The following LRP1B variants were observed in gnomAD, a reference collection of about 807,000 sequenced individuals.
The protein encoded by LRP1B is low-density lipoprotein receptor-related protein 1B.
Under a neutral mutation model 556.6 loss-of-function variants are expected in LRP1B, and 217 were observed. That is an observed-to-expected ratio of 0.39 (90% confidence interval 0.35 to 0.44). LRP1B has a LOEUF of 0.44. Ranked by LOEUF, LRP1B falls within the 20% of genes least tolerant of loss-of-function variation. The pLI is 1.00. For missense variants in LRP1B, 5,053 were observed against 5,620.8 expected, an observed-to-expected ratio of 0.90 and a Z score of 3.23; for synonymous variants, 2,047 against 1,865.8, an observed-to-expected ratio of 1.10 and a Z score of -2.50.
At chr2:141,667,158 T>C (rs1373624321) in intron 2 of LRP1B, among the ~76,000 whole-genome samples, 1 of 152,188 alleles carries the variant, frequency 6.6e-6, no homozygotes, top group Non-Finnish European at 1.5e-5. Context: ...TGAGCTACCG[T>C]ACTGTACTTA....
At chr2:141,309,037 A>G (rs1686709217) in intron 3 of LRP1B, among the ~76,000 whole-genome samples, 1 of 152,198 alleles carries the variant, frequency 6.6e-6, no homozygotes. Context: ...CTTCAAATTG[A>G]GGATTTGTTT....
intron 85 of LRP1B, among the ~76,000 whole-genome samples, chr2:140,272,510 C>T (rs1020690169): frequency 7.2e-5 from 11 of 151,874 alleles, no homozygotes; most frequent in Non-Finnish European, 1.6e-4. Context: ...GATAGAGTAC[C>T]TGTTCTACTT....
At chr2:142,035,754 A>G (rs1373131102) in intron 1 of LRP1B, among the ~76,000 whole-genome samples, 1 of 151,740 alleles carries the variant, frequency 6.6e-6, no homozygotes, top group South Asian at 2.1e-4. Context: ...AGTTCCTCCC[A>G]GATAACAGAA....
chr2:140,650,341 A>G (rs1684636805), intron 41 of LRP1B, among the ~76,000 whole-genome samples: 1 of 147,812 alleles, frequency 6.8e-6, no homozygotes. Context: ...TTATTTATTT[A>G]TTTATTTATT....
chr2:141,954,014 C>T (rs1343492893), intron 1 of LRP1B, among the ~76,000 whole-genome samples: 4 of 152,092 alleles, frequency 2.6e-5, no homozygotes, highest in East Asian at 1.9e-4. Flanking sequence ...CTTTCCTTGC[C>T]CTATTCAAAA....
chr2:140,666,496 T>C (rs981940286), intron 41 of LRP1B, among the ~76,000 whole-genome samples: 4 of 152,088 alleles, frequency 2.6e-5, no homozygotes, highest in African/African-American at 9.7e-5. Flanking sequence ...AACATACAAG[T>C]GAGAATGTCA....
chr2:141,673,639 G>A (rs1690762384), intron 2 of LRP1B, among the ~76,000 whole-genome samples: 1 of 152,020 alleles, frequency 6.6e-6, no homozygotes, highest in South Asian at 2.1e-4. Flanking sequence ...ATAACAATTT[G>A]GGGCCATATT....
chr2:140,341,950 A>T (rs682817), intron 77 of LRP1B, among the ~76,000 whole-genome samples: 81,685 of 150,850 alleles, frequency 0.54, 22,435 homozygotes, highest in African/African-American at 0.58. Flanking sequence ...GGGAGAAGAG[A>T]GGGAAAGTTA....
At chr2:141,402,710 T>C (rs1573905284) in intron 3 of LRP1B, among the ~76,000 whole-genome samples, 2 of 152,246 alleles carry the variant, frequency 1.3e-5, no homozygotes, top group East Asian at 3.9e-4. Flanking sequence ...AAAAGTGTTA[T>C]TATGTTTGTG....
At chr2:141,152,595 A>G (rs1701951194) in intron 7 of LRP1B, among the ~76,000 whole-genome samples, 1 of 151,902 alleles carries the variant, frequency 6.6e-6, no homozygotes, top group Non-Finnish European at 1.5e-5. Context: ...TCAGACAGGA[A>G]ATATAAACAC....
chr2:141,712,677 C>A (rs558424929), intron 2 of LRP1B, among the ~76,000 whole-genome samples: 20 of 151,138 alleles, frequency 1.3e-4, no homozygotes, highest in Non-Finnish European at 2.7e-4. Flanking sequence ...CCTTTTTTTT[C>A]TTTTGTTTTG....
rs780943433 is a variant in LRP1B at position 141,062,158 on chromosome 2, G to C, written c.1129C>G (p.Leu377Val). 2 of 1,612,048 alleles carry C rather than the reference G, an allele frequency of 1.2e-6. No homozygotes were observed. The highest frequency in any genetic ancestry group is 8.5e-7 in the Non-Finnish European group (1 of 1,178,658). Residue 377 changes from leucine to valine, a missense_variant, in exon 8 of 91, where the codon CTA (leucine) becomes GTA (valine). Physicochemically the swap from Leu to Val is conservative, Grantham distance 32 (BLOSUM62 1). This residue lies in a region of LRP1B where 3,619 missense variants were observed against 3,931.9 expected (regional missense o/e 0.92). Coordinates refer to ENST00000389484, the MANE Select transcript of LRP1B (RefSeq NM_018557.3). ...SKTEQPAALA[L>V]DLVNKLVYWV... ...TAAACCAATTTGTTGACTAGGTCTA[G>C]TGCCAGTGCAGCTGGCTGCTCTGTC...
intron 2 of LRP1B, among the ~76,000 whole-genome samples, chr2:141,661,880 C>A (rs1690233758): frequency 6.6e-6 from 1 of 152,096 alleles, no homozygotes; most frequent in Admixed American, 6.5e-5. Context: ...ACATAATCAT[C>A]AATTTCTCCA....
intron 7 of LRP1B, among the ~76,000 whole-genome samples, chr2:141,126,127 A>G (rs111490648): frequency 0.065 from 9,849 of 151,472 alleles, 664 homozygotes; most frequent in African/African-American, 0.18. Flanking sequence ...TGCCTCCCAG[A>G]TTCAAGTGAT....
intron 20 of LRP1B, among the ~76,000 whole-genome samples, chr2:140,949,938 C>CA (rs67201185): frequency 0.061 from 852 of 14,050 alleles, 88 homozygotes; most frequent in Non-Finnish European, 0.074. Context: ...GACTCCGTCT[C>CA]AAAAAAAAAA....
chr2:140,322,571 G>GTACAAGGTA (rs1217426311), intron 81 of LRP1B, among the ~76,000 whole-genome samples: 2 of 152,140 alleles, frequency 1.3e-5, no homozygotes, highest in Admixed American at 6.6e-5. Flanking sequence ...TAGCTTGTCA[G>GTACAAGGTA]TACAAGGTAT....
intron 1 of LRP1B, among the ~76,000 whole-genome samples, chr2:141,857,609 T>A (rs886374756): frequency 6.6e-6 from 1 of 152,142 alleles, no homozygotes; most frequent in African/African-American, 2.4e-5. Context: ...AGTGCCAGGA[T>A]TACAGGCATG....
At chr2:140,782,420 C>A (rs965696307) in intron 32 of LRP1B, among the ~76,000 whole-genome samples, 1 of 152,048 alleles carries the variant, frequency 6.6e-6, no homozygotes, top group South Asian at 2.1e-4. Context: ...CACAGATATG[C>A]ACTGAGGAAA....
At chr2:141,938,044 T>C (rs1700688683) in intron 1 of LRP1B, among the ~76,000 whole-genome samples, 1 of 152,202 alleles carries the variant, frequency 6.6e-6, no homozygotes, top group Non-Finnish European at 1.5e-5. Context: ...TATATTCCAT[T>C]GGCCTATGTG....
Sources: allele counts gnomAD v4.1 joint callset (sites outside exome capture counted in the v4.1 genomes callset), GRCh38; gene constraint gnomAD v4.1.1; regional missense constraint gnomAD v4.1.1; transcripts MANE v1.5; gene names NCBI Gene and HGNC (gene_info 2026-07-23, HGNC 2026-07-21).